LIMK1: variants seen among roughly 807,000 people sequenced by gnomAD.
LIMK1 encodes the protein LIM motif-containing protein kinase.
A neutral mutation model predicts 77.6 loss-of-function variants in LIMK1; 21 were observed. That is an observed-to-expected ratio of 0.27 (90% CI 0.19 to 0.39). The LOEUF is 0.39. Ranked by LOEUF, LIMK1 falls within the 10% of genes least tolerant of loss-of-function variation. The pLI is 1.00. For missense variants in LIMK1, 696 were observed against 901.6 expected, an observed-to-expected ratio of 0.77 and a Z score of 2.92; for synonymous variants, 358 against 370.0, an observed-to-expected ratio of 0.97 and a Z score of 0.37.
intron 13 of LIMK1, among the ~76,000 whole-genome samples, chr7:74,116,851 A>G (rs528249342): frequency 1.3e-5 from 2 of 151,754 alleles, no homozygotes; most frequent in African/African-American, 4.8e-5. Flanking sequence ...ACAGGCATGC[A>G]ACACCACACC....
rs1799911812 is a variant in LIMK1 at position 74,120,575 on chromosome 7, T to A, written c.1568-8T>A. The stretch of plus-strand genomic sequence containing the variant: ...GTTCATCTGCTGACAGTCGGTCTCT[T>A]TATCCAGGCCGCAGCTATGATGAGA... On this transcript the variant is annotated splice_region_variant and splice_polypyrimidine_tract_variant and intron_variant, in intron 13 of 15. Coordinates refer to ENST00000336180, the MANE Select transcript of LIMK1 (RefSeq NM_002314.4). 1 of 1,614,180 alleles carries A rather than the reference T, an allele frequency of 6.2e-7. No homozygotes were observed. The highest frequency in any genetic ancestry group is 1.6e-4 in the Middle Eastern group (1 of 6,062).
chr7:74,121,558 T>G lies in LIMK1; in HGVS notation c.*257T>G. 1 of 463,668 alleles carries G rather than the reference T, an allele frequency of 2.2e-6. No homozygotes were observed. Among genetic ancestry groups the G allele is most frequent in the Non-Finnish European group, 3.8e-6 (1 of 262,400 alleles). 28.7% of individuals were successfully genotyped at this position (463,668 alleles called of 1,614,324 possible). A position where few individuals can be genotyped will look rare whatever the true frequency, so the allele number is the denominator to read the frequency against. ...TCTGTCTTGGCAGGGCTGTCCCCTC[T>G]TGCTTCTCCTTGCATGAGCTGGAGG... On this transcript the variant is annotated 3_prime_UTR_variant, in exon 16 of 16. Coordinates refer to ENST00000336180, the MANE Select transcript of LIMK1 (RefSeq NM_002314.4).
rs1202776508 is a variant in LIMK1 at position 74,093,204 on chromosome 7, C to T, written c.153-3418C>T. ...TGGGGAAGCAGCTGGTCTGGCCACC[C>T]CTGCCCTCCCTTAGACCTCCAGAGC... is the stretch of plus-strand genomic sequence containing the variant. On this transcript the variant is annotated intron_variant, in intron 2 of 15. Transcript: ENST00000336180. 1.8e-5 allele frequency: 28 copies of T among 1,534,096 alleles called. No individual in the cohort carries two copies. The African/African-American group carries it at 3.1e-4, about 17-fold the overall frequency.
Position 74,112,013 on chromosome 7 carries a change from C to A in LIMK1, c.1410+15C>A. 1 of 1,590,150 alleles carries A rather than the reference C, an allele frequency of 6.3e-7. No homozygotes were observed. Among genetic ancestry groups the A allele is most frequent in the South Asian group, 1.1e-5 (1 of 88,532 alleles). On this transcript the variant is annotated intron_variant, in intron 12 of 15. Coordinates refer to ENST00000336180, the MANE Select transcript of LIMK1 (RefSeq NM_002314.4). The stretch of plus-strand genomic sequence containing the variant: ...TGGTCCGCGAGGTGAGTACCAGGGC[C>A]CCACGTGGCTGGGTGTCAGGAGACA...
chr7:74,113,802 T>TA (rs1799751617), intron 12 of LIMK1, among the ~76,000 whole-genome samples: 2 of 151,870 alleles, frequency 1.3e-5, no homozygotes, highest in Non-Finnish European at 2.9e-5. Context: ...TTAATACCGT[T>TA]AGAGTCAGGC....
intron 10 of LIMK1, 185 bp from the exon 11 acceptor site, chr7:74,111,463 T>G (rs1283099198): frequency 5.0e-6 from 3 of 595,352 alleles, no homozygotes; most frequent in African/African-American, 1.9e-5. Flanking sequence ...GGAAATAATG[T>G]CTGTGAGCTG....
chr7:74,094,468 AG>A (rs1228009187), intron 2 of LIMK1: 11 of 150,546 alleles, frequency 7.3e-5, no homozygotes, highest in African/African-American at 2.7e-4. Context: ...CCCACTGCAG[AG>A]GTATGCGGGG....
At chr7:74,106,860 T>C in intron 7 of LIMK1, 150 bp from the exon 8 acceptor site, 4 of 753,636 alleles carry the variant, frequency 5.3e-6, no homozygotes, top group Non-Finnish European at 8.2e-6. Flanking sequence ...GGGCAGCCTT[T>C]GGACTGTCCC....
At chr7:74,102,482 C>CTTTTTTTTTTTTTTTTTTTTTTTTTTTTT (rs782517343) in intron 5 of LIMK1, among the ~76,000 whole-genome samples, 2 of 25,684 alleles carry the variant, frequency 7.8e-5, no homozygotes, top group Non-Finnish European at 1.2e-4. Context: ...GAAGGACCTT[C>CTTTTTTTTTTTTTTTTTTTTTTTTTTTTT]TCTTTTTTTT....
intron 1 of LIMK1, among the ~76,000 whole-genome samples, chr7:74,084,534 G>GC (rs1335535392): frequency 2.7e-4 from 41 of 152,010 alleles, no homozygotes; most frequent in Non-Finnish European, 5.0e-4. Flanking sequence ...CTGGGTAGTT[G>GC]CCCCCCCGGT....
Position 74,106,157 on chromosome 7 carries a change from G to C in LIMK1, c.795G>C (p.Gly265=). The C allele has an allele frequency of 6.2e-7, 1 of 1,614,062 alleles. No homozygotes were observed. Among genetic ancestry groups the C allele is most frequent in the South Asian group, 1.1e-5 (1 of 91,078 alleles). Residue 265 remains glycine, a synonymous_variant, in exon 7 of 16, where the codon GGG becomes GGC. Transcript: ENST00000336180. The stretch of plus-strand genomic sequence containing the variant: ...ACCCTCACGATACACTGGGCCACGG[G>C]CTGGGGCCTGAGACCAGCCCCCTGA... ...EHDPHDTLGH[G]LGPETSPLSS...
chr7:74,101,835 T>A (rs1199346431), intron 5 of LIMK1, among the ~76,000 whole-genome samples: 1 of 151,340 alleles, frequency 6.6e-6, no homozygotes, highest in Non-Finnish European at 1.5e-5. Flanking sequence ...GACACACAAT[T>A]TTTTTTTGAG....
chr7:74,092,482 G>A (rs1799256209), intron 2 of LIMK1, among the ~76,000 whole-genome samples: 1 of 152,182 alleles, frequency 6.6e-6, no homozygotes, highest in South Asian at 2.1e-4. Context: ...TCTGGTATTA[G>A]CCCTGAGGGT....
chr7:74,095,392 T>TG (rs1307426383), intron 2 of LIMK1, among the ~76,000 whole-genome samples: 2 of 152,168 alleles, frequency 1.3e-5, no homozygotes, highest in Non-Finnish European at 2.9e-5. Context: ...GCGGGTTCAC[T>TG]GGGGCACCCG....
rs369816185 is a variant in LIMK1 at position 74,084,440 on chromosome 7, C to G, written c.55+395C>G. On this transcript the variant is annotated intron_variant, in intron 1 of 15. Coordinates refer to ENST00000336180, the MANE Select transcript of LIMK1 (RefSeq NM_002314.4). ...AAGCCGCAGCCCCGGGTCCCAGTGG[C>G]CGCCGGGCGCCTGCCCGGCTCTGTG... is the stretch of plus-strand genomic sequence containing the variant. 1.8e-4 allele frequency among the ~76,000 whole-genome samples: 27 copies of G among 152,318 alleles called. No individual in the cohort carries two copies. In the East Asian group the frequency reaches 3.9e-3, roughly 22 times the overall value.
intron 5 of LIMK1, among the ~76,000 whole-genome samples, chr7:74,101,291 G>T (rs1434022646): frequency 1.3e-5 from 2 of 152,196 alleles, no homozygotes; most frequent in African/African-American, 4.8e-5. Context: ...GCCAAGGGAG[G>T]TCCCCACAGA....
At chr7:74,115,552 G>A (rs1554699292) in intron 12 of LIMK1, 10 of 456,110 alleles carry the variant, frequency 2.2e-5, no homozygotes, top group Non-Finnish European at 3.9e-6. Context: ...CAGGTGGGGA[G>A]GGGGCAGAGG....
At chr7:74,096,112 C>A (rs1296372927) in intron 2 of LIMK1, among the ~76,000 whole-genome samples, 5 of 151,660 alleles carry the variant, frequency 3.3e-5, no homozygotes, top group Admixed American at 3.3e-4. Context: ...TTACAGGTGC[C>A]CACCACCATG....
In LIMK1 at chr7:74,109,065, C is replaced by T. The variant is rs569625381; in HGVS notation, c.1284+29C>T. The T allele has an allele frequency of 4.2e-5, 66 of 1,564,278 alleles. No homozygotes were observed. The Admixed American group carries it at 7.9e-4, about 19-fold the overall frequency. On this transcript the variant is annotated intron_variant, in intron 10 of 15. Coordinates refer to ENST00000336180, the MANE Select transcript of LIMK1 (RefSeq NM_002314.4). ...AGTCCTGGGCAGAGCCAGCCACCCC[C>T]GCTGTGCGGCCCCGGGCAAAGCAGC...
Sources: allele counts gnomAD v4.1 joint callset (sites outside exome capture counted in the v4.1 genomes callset), GRCh38; gene constraint gnomAD v4.1.1; transcripts MANE v1.5; gene names NCBI Gene and HGNC (gene_info 2026-07-23, HGNC 2026-07-21).